The following AFF3 variants were observed in gnomAD, a reference collection of about 807,000 sequenced individuals.
The protein encoded by AFF3 is AF4/FMR2 family member 3.
In AFF3, 32 loss-of-function variants were observed where a neutral mutation model predicts 129.7. That is an observed-to-expected ratio of 0.25 (90% confidence interval 0.19 to 0.33). AFF3 has a LOEUF of 0.33. Among genes scored for constraint, AFF3 ranks in the 10% least tolerant of loss-of-function variants. AFF3 has a pLI of 1.00. For synonymous variants in AFF3, 644 were observed against 635.4 expected (o/e 1.01, Z -0.20); for missense variants, 1,373 against 1,592.0 (o/e 0.86, Z 2.34).
chr2:99,706,651 A>G (rs1677421306), intron 11 of AFF3, among the ~76,000 whole-genome samples: 1 of 152,258 alleles, frequency 6.6e-6, no homozygotes, highest in Non-Finnish European at 1.5e-5. Context: ...ATAATAGTTC[A>G]TATTTCACTG....
At chr2:99,784,600 C>G (rs144008953) in intron 8 of AFF3, among the ~76,000 whole-genome samples, 3 of 152,158 alleles carry the variant, frequency 2.0e-5, no homozygotes, top group Non-Finnish European at 1.5e-5. Context: ...TAAAGCTTTG[C>G]GCAGTATTAA....
chr2:99,775,304 C>G (rs1191667501), intron 8 of AFF3, among the ~76,000 whole-genome samples: 2 of 152,168 alleles, frequency 1.3e-5, no homozygotes, highest in Non-Finnish European at 2.9e-5. Context: ...TGGGATCAAC[C>G]TAAATGCCCA....
intron 12 of AFF3, among the ~76,000 whole-genome samples, chr2:99,661,639 GT>G (rs1398817426): frequency 6.6e-6 from 1 of 152,148 alleles, no homozygotes; most frequent in Non-Finnish European, 1.5e-5. Context: ...AGGAAACAGC[GT>G]TATGAGTCTC....
intron 13 of AFF3, among the ~76,000 whole-genome samples, chr2:99,636,350 C>T (rs1270166343): frequency 1.3e-5 from 2 of 151,952 alleles, no homozygotes; most frequent in African/African-American, 4.8e-5. Flanking sequence ...CCTGTCCAGT[C>T]GGCTGGATTG....
chr2:99,847,410 T>C (rs1244845377), intron 7 of AFF3, among the ~76,000 whole-genome samples: 1 of 151,998 alleles, frequency 6.6e-6, no homozygotes, highest in Non-Finnish European at 1.5e-5. Context: ...TCCTGACCTT[T>C]AGTTCGTGCC....
chr2:99,920,422 A>G (rs979882165), intron 7 of AFF3, among the ~76,000 whole-genome samples: 2 of 152,098 alleles, frequency 1.3e-5, no homozygotes, highest in Admixed American at 6.6e-5. Context: ...ATTAAGTAGG[A>G]AAACTCATGA....
intron 7 of AFF3, 45 bp downstream of exon 7, chr2:100,006,587 T>A: frequency 6.5e-7 from 1 of 1,537,908 alleles, no homozygotes; most frequent in Non-Finnish European, 8.8e-7. Flanking sequence ...AAATTGTCAC[T>A]TGTAACTATG....
rs138223257 is a variant in AFF3 at position 100,006,726 on chromosome 2, T to C, written c.779A>G (p.His260Arg). 3.0e-5 allele frequency: 48 copies of C among 1,614,096 alleles called. No individual in the cohort carries two copies. Among genetic ancestry groups the C allele is most frequent in the Non-Finnish European group, 3.6e-5 (43 of 1,180,042 alleles). Reference sequence around the variant, plus strand: ...AGGGACTCCCCTGTATGATGTGCAGTGCACGCTGGTTTCCGAAGACGACTT... The same window carrying C: ...AGGGACTCCCCTGTATGATGTGCAGCGCACGCTGGTTTCCGAAGACGACTT... ...KLKSSSETSV[H>R]CTSYRGVPAS... is the part of the protein sequence containing the mutation. The change falls in exon 7 of 25, where the codon CAC becomes CGC. Residue 260 changes from histidine to arginine, a missense_variant. His to Arg is a conservative substitution (Grantham distance 29, BLOSUM62 0). Coordinates refer to ENST00000672756, the MANE Select transcript of AFF3 (RefSeq NM_001386135.1).
At chr2:99,667,441 C>G (rs753933341) in intron 12 of AFF3, among the ~76,000 whole-genome samples, 1 of 152,072 alleles carries the variant, frequency 6.6e-6, no homozygotes, top group Non-Finnish European at 1.5e-5. Flanking sequence ...ATAATCTAAT[C>G]TCCCTCAAGA....
chr2:99,654,133 G>A (rs931213141), intron 12 of AFF3, among the ~76,000 whole-genome samples: 10 of 152,186 alleles, frequency 6.6e-5, no homozygotes, highest in African/African-American at 2.2e-4. Context: ...GCCTGCGTCA[G>A]CCTCCCAAAG....
intron 8 of AFF3, among the ~76,000 whole-genome samples, chr2:99,815,666 G>A (rs1324650087): frequency 1.3e-5 from 2 of 151,098 alleles, no homozygotes; most frequent in African/African-American, 4.9e-5. Context: ...CTTAACGTCT[G>A]AAGCATATTT....
At chr2:99,677,197 G>A (rs1365573356) in intron 11 of AFF3, among the ~76,000 whole-genome samples, 1 of 150,864 alleles carries the variant, frequency 6.6e-6, no homozygotes, top group Admixed American at 6.6e-5. Flanking sequence ...CTGAGCCCTG[G>A]AGGTCAAGGC....
At chr2:99,865,234 C>G (rs925904079) in intron 7 of AFF3, among the ~76,000 whole-genome samples, 83 of 152,300 alleles carry the variant, frequency 5.4e-4, no homozygotes, top group Middle Eastern at 3.4e-3. Flanking sequence ...GCCCAGCCAT[C>G]AGGTGTGGGG....
chr2:100,116,548 C>G (rs935192343), intron 2 of AFF3, among the ~76,000 whole-genome samples: 3 of 152,090 alleles, frequency 2.0e-5, no homozygotes, highest in African/African-American at 2.4e-5. Flanking sequence ...GAAAGTAAAT[C>G]ATGAATTCTT....
At chr2:99,763,552 CACA>C (rs59413932) in intron 8 of AFF3, among the ~76,000 whole-genome samples, 10,524 of 151,752 alleles carry the variant, frequency 0.069, 1,194 homozygotes, top group African/African-American at 0.24. Flanking sequence ...TGTCTTTAAT[CACA>C]ACAACAACAA....
At chr2:100,140,829 T>C (rs1006189663) in intron 1 of AFF3, among the ~76,000 whole-genome samples, 4 of 152,130 alleles carry the variant, frequency 2.6e-5, no homozygotes, top group Non-Finnish European at 5.9e-5. Flanking sequence ...TACTTGTCTG[T>C]AGCTACAGTG....
chr2:99,749,681 C>A (rs887959987), intron 9 of AFF3, among the ~76,000 whole-genome samples: 6 of 152,184 alleles, frequency 3.9e-5, no homozygotes, highest in Non-Finnish European at 7.3e-5. Context: ...GGGAACTTCA[C>A]ATGGGTTCTG....
At chr2:99,634,522 G>T (rs1000926033) in intron 13 of AFF3, among the ~76,000 whole-genome samples, 3 of 152,292 alleles carry the variant, frequency 2.0e-5, no homozygotes, top group Admixed American at 2.0e-4. Flanking sequence ...ATATGGGCAG[G>T]GTTCACATTT....
At chr2:99,919,429 A>G (rs762030786) in intron 7 of AFF3, among the ~76,000 whole-genome samples, 2 of 152,076 alleles carry the variant, frequency 1.3e-5, no homozygotes, top group Non-Finnish European at 2.9e-5. Flanking sequence ...GGCTCCTTCT[A>G]TGAACTAACC....
Sources: gnomAD v4.1 joint callset for allele counts (sites outside exome capture counted in the v4.1 genomes callset) on GRCh38, gnomAD v4.1.1 for gene constraint, MANE v1.5 for transcripts, NCBI Gene and HGNC (gene_info 2026-07-23, HGNC 2026-07-21) for gene names.